The following ZHX3 variants were observed in gnomAD, a reference collection of about 807,000 sequenced individuals.
The protein encoded by ZHX3 is zinc fingers and homeoboxes protein 3.
ZHX3 carries 20 observed loss-of-function variants against 64.5 expected under a neutral mutation model. The ratio of observed to expected loss-of-function variants is 0.31; its 90% confidence interval spans 0.22 to 0.45. The LOEUF is 0.45. ZHX3 is among the 20% of genes least tolerant of loss of function. ZHX3 has a pLI of 1.00. For synonymous variants in ZHX3, 423 were observed against 461.6 expected, an observed-to-expected ratio of 0.92 and a Z score of 1.07; for missense variants, 1,041 against 1,195.8, an observed-to-expected ratio of 0.87 and a Z score of 1.91.
intron 3 of ZHX3, chr20:41,197,213 A>T: frequency 6.8e-6 from 1 of 147,666 alleles, no homozygotes; most frequent in South Asian, 2.1e-4. Context: ...TGTTATACAT[A>T]TATTTTATAT....
At chr20:41,233,054 C>G (rs984976448) in intron 2 of ZHX3, among the ~76,000 whole-genome samples, 1 of 152,216 alleles carries the variant, frequency 6.6e-6, no homozygotes, top group African/African-American at 2.4e-5. Context: ...ACCAGGAAGC[C>G]TGTTACACAA....
At chr20:41,190,726 C>T (rs1568786328) in intron 3 of ZHX3, among the ~76,000 whole-genome samples, 1 of 152,162 alleles carries the variant, frequency 6.6e-6, no homozygotes, top group Non-Finnish European at 1.5e-5. Context: ...TAGGGCCAGT[C>T]TAGTGGTGAT....
chr20:41,287,273 C>T (rs1022085485), intron 1 of ZHX3, among the ~76,000 whole-genome samples: 12 of 152,192 alleles, frequency 7.9e-5, no homozygotes, highest in Non-Finnish European at 2.9e-5. Context: ...CCCCAAGTAG[C>T]AGTCAGACTC....
chr20:41,301,608 G>C (rs975555396), intron 1 of ZHX3, among the ~76,000 whole-genome samples: 2 of 151,944 alleles, frequency 1.3e-5, no homozygotes, highest in Admixed American at 6.6e-5. Context: ...TCTGTCCATC[G>C]AGGCAGGAGC....
intron 2 of ZHX3, among the ~76,000 whole-genome samples, chr20:41,253,846 A>G (rs753529742): frequency 6.6e-6 from 1 of 152,222 alleles, no homozygotes; most frequent in Non-Finnish European, 1.5e-5. Flanking sequence ...AAGCAAAATC[A>G]GTAAAATACT....
chr20:41,236,053 C>G (rs989193538), intron 2 of ZHX3, among the ~76,000 whole-genome samples: 2 of 152,108 alleles, frequency 1.3e-5, no homozygotes, highest in African/African-American at 4.8e-5. Flanking sequence ...ACCTAGGAAT[C>G]CAACTAACAA....
At position 41,202,829 on chromosome 20, in the gene ZHX3, C is replaced by T. The variant is rs1456754523; in HGVS notation, c.2088G>A (p.Leu696=). ...AAEDEGGEED[L]ASELRVSGEN... ...CACCAGAGACCCTTAGCTCACTGGC[C>T]AAATCCTCTTCTCCACCCTCATCCT... The change falls in exon 3 of 4, where the codon TTG becomes TTA. Residue 696 remains leucine, a synonymous_variant. Coordinates refer to ENST00000683867, the MANE Select transcript of ZHX3 (RefSeq NM_001384317.1). The surrounding 1 kb of genome is among the most constrained non-coding windows in gnomAD (Gnocchi z 7.0). The T allele has an allele frequency of 2.5e-6, 4 of 1,614,046 alleles. No homozygotes were observed. The Admixed American group carries it at 5.0e-5, about 20-fold the overall frequency.
At chr20:41,291,375 G>A (rs1405682806) in intron 1 of ZHX3, among the ~76,000 whole-genome samples, 3 of 152,130 alleles carry the variant, frequency 2.0e-5, no homozygotes, top group Non-Finnish European at 4.4e-5. Context: ...TTAGGATTAC[G>A]GCAGCATCTC....
intron 2 of ZHX3, among the ~76,000 whole-genome samples, chr20:41,256,872 C>A (rs528880815): frequency 6.6e-6 from 1 of 151,894 alleles, no homozygotes; most frequent in South Asian, 2.1e-4. Flanking sequence ...GGACTTTTAG[C>A]GTCCACATCA....
At chr20:41,301,783 G>A (rs979154707) in intron 1 of ZHX3, among the ~76,000 whole-genome samples, 27 of 152,036 alleles carry the variant, frequency 1.8e-4, no homozygotes, top group Admixed American at 1.0e-3. Flanking sequence ...GGCCGGGCGC[G>A]GTGGCTCACG....
intron 2 of ZHX3, among the ~76,000 whole-genome samples, chr20:41,218,921 CTG>C (rs2039738811): frequency 1.4e-5 from 2 of 137,968 alleles, no homozygotes; most frequent in African/African-American, 2.7e-5. Context: ...TCAAACAGTG[CTG>C]TTTTTTTTTT....
At position 41,315,542 on chromosome 20, in the gene ZHX3, C is replaced by T. The variant is rs575654604; in HGVS notation, c.-245+1967G>A. Reference sequence around the variant, plus strand: ...AAGGCTCGAAGTGAGGATGGTTGTTCGGAAGAGGGTTAGCCTGGCAGGCCA... The same window carrying T: ...AAGGCTCGAAGTGAGGATGGTTGTTTGGAAGAGGGTTAGCCTGGCAGGCCA... On this transcript the variant is annotated intron_variant, in intron 1 of 3. Transcript: ENST00000683867. Among the ~76,000 whole-genome samples, 524 of 151,852 alleles carry T rather than the reference C, an allele frequency of 3.5e-3. 5 individuals carry two copies. The highest frequency in any genetic ancestry group is 7.5e-3 in the South Asian group (36 of 4,798).
Position 41,201,927 on chromosome 20 carries a change from G to A in ZHX3, c.2860+130C>T. ...TGCTAGTTGTCCTCTGAAGCAGCCA[G>A]GCGGTTAATGCTGCTGCCAGGCAGC... On this transcript the variant is annotated intron_variant, in intron 3 of 3. Transcript: ENST00000683867. The surrounding 1 kb of genome is among the most constrained non-coding windows in gnomAD (Gnocchi z 5.0). 1 of 1,148,228 alleles carries A rather than the reference G, an allele frequency of 8.7e-7. No homozygotes were observed. Among genetic ancestry groups the A allele is most frequent in the Non-Finnish European group, 1.2e-6 (1 of 841,078 alleles). The allele number at this position is 1,148,228 out of a possible 1,614,324, so 71.1% of individuals were successfully genotyped here. A position where few individuals can be genotyped will look rare whatever the true frequency, so the allele number is the denominator to read the frequency against.
chr20:41,228,325 A>G lies in ZHX3; in HGVS notation c.-150-23259T>C, dbSNP rs1345359703. ...CGTTGACCCTGGCACTCACCCTTCCAAAAAACGAAACAAGCAAATAAAAAA... is the reference window on the plus strand; with the variant it reads ...CGTTGACCCTGGCACTCACCCTTCCGAAAAACGAAACAAGCAAATAAAAAA... On this transcript the variant is annotated intron_variant, in intron 2 of 3. Transcript: ENST00000683867. This position sits in a 1 kb window ranked among gnomAD's most constrained non-coding sequence, Gnocchi z 4.6. Among the ~76,000 whole-genome samples the G allele has an allele frequency of 6.6e-6, 1 of 152,130 alleles. No homozygotes were observed. The highest frequency in any genetic ancestry group is 1.5e-5 in the Non-Finnish European group (1 of 68,016).
rs759240981 is a variant in ZHX3 at position 41,184,816 on chromosome 20, C to T, written c.*375G>A. On this transcript the variant is annotated 3_prime_UTR_variant, in exon 4 of 4. Transcript: ENST00000683867. ...ACTGCTTGGCTAACCAAAGTTTCTACGTAATGACAGTGTTGATAATCTGAT... is the reference window on the plus strand; with the variant it reads ...ACTGCTTGGCTAACCAAAGTTTCTATGTAATGACAGTGTTGATAATCTGAT... The T allele has an allele frequency of 1.3e-5, 18 of 1,359,172 alleles. No homozygotes were observed. Among genetic ancestry groups the T allele is most frequent in the African/African-American group, 4.4e-5 (3 of 68,342 alleles). 84.2% of individuals were successfully genotyped at this position (1,359,172 alleles called of 1,614,324 possible). A position where few individuals can be genotyped will look rare whatever the true frequency, so the allele number is the denominator to read the frequency against.
Position 41,201,265 on chromosome 20 carries a change from C to G in ZHX3, c.2860+792G>C. On this transcript the variant is annotated intron_variant, in intron 3 of 3. Coordinates refer to ENST00000683867, the MANE Select transcript of ZHX3 (RefSeq NM_001384317.1). This position sits in a 1 kb window ranked among gnomAD's most constrained non-coding sequence, Gnocchi z 5.0. Reference sequence around the variant, plus strand: ...CCCAATCCCTTCAGCTTCTACAATACTCCGCCCTCCTGGCTCTCACCTGAG... The same window carrying G: ...CCCAATCCCTTCAGCTTCTACAATAGTCCGCCCTCCTGGCTCTCACCTGAG... The G allele has an allele frequency of 7.8e-7, 1 of 1,289,942 alleles. No individual in the cohort carries two copies. The allele number at this position is 1,289,942 out of a possible 1,614,324, so 79.9% of individuals were successfully genotyped here.
intron 1 of ZHX3, among the ~76,000 whole-genome samples, chr20:41,280,690 T>C (rs2043634348): frequency 6.6e-6 from 1 of 152,148 alleles, no homozygotes; most frequent in African/African-American, 2.4e-5. Flanking sequence ...GCGCTGGGAT[T>C]ATAGGCGTGA....
At chr20:41,194,750 G>A (rs1156957413) in intron 3 of ZHX3, among the ~76,000 whole-genome samples, 3 of 151,974 alleles carry the variant, frequency 2.0e-5, no homozygotes, top group South Asian at 4.1e-4. Context: ...ATATATTTTG[G>A]TTTTTTATTT....
chr20:41,202,504 G>A lies in ZHX3; in HGVS notation c.2413C>T (p.Arg805Trp), dbSNP rs773542064. Residue 805 changes from arginine to tryptophan, a missense_variant, in exon 3 of 4, where the codon CGG (arginine) becomes TGG (tryptophan). Physicochemically the swap from Arg to Trp is moderately radical, Grantham distance 101 (BLOSUM62 -3). Transcript: ENST00000683867. This position sits in a 1 kb window ranked among gnomAD's most constrained non-coding sequence, Gnocchi z 7.0. ...DSIMAQTGLP[R>W]PEVVRWFGDS... ...CCAAACCAGCGCACCACCTCTGGCCGTGGCAGACCCGTCTGGGCCATGATG... is the reference window on the plus strand; with the variant it reads ...CCAAACCAGCGCACCACCTCTGGCCATGGCAGACCCGTCTGGGCCATGATG... 2.0e-5 allele frequency: 32 copies of A among 1,614,058 alleles called. No homozygotes were observed. The highest frequency in any genetic ancestry group is 1.6e-4 in the Middle Eastern group (1 of 6,084).
Sources: gnomAD v4.1 joint callset for allele counts (sites outside exome capture counted in the v4.1 genomes callset) on GRCh38, gnomAD v4.1.1 for gene constraint, Gnocchi (gnomAD v3.1) non-coding constraint, MANE v1.5 for transcripts, NCBI Gene and HGNC (gene_info 2026-07-23, HGNC 2026-07-21) for gene names.